NFIC: variants seen among roughly 807,000 people sequenced by gnomAD.
NFIC encodes the protein nuclear factor I C.
Under a neutral mutation model 54.4 loss-of-function variants are expected in NFIC, and 12 were observed. The ratio of observed to expected loss-of-function variants is 0.22; its 90% CI spans 0.14 to 0.36. The LOEUF (loss-of-function observed/expected upper bound fraction) is 0.36. Ranked by LOEUF, NFIC falls within the 10% of genes least tolerant of loss-of-function variation. The pLI, the probability that NFIC is intolerant of heterozygous loss-of-function variation, is 1.00. For synonymous variants in NFIC, 322 were observed against 319.2 expected (o/e 1.01, Z -0.09); for missense variants, 575 against 718.2 (o/e 0.80, Z 2.28).
At chr19:3,407,828 A>G (rs766828671) in intron 2 of NFIC, among the ~76,000 whole-genome samples, 6 of 152,112 alleles carry the variant, frequency 3.9e-5, no homozygotes, top group Non-Finnish European at 7.3e-5. Context: ...GTTCCAGAGA[A>G]GGAGATGTCA....
At chr19:3,394,514 T>TCCCCCCCCC (rs199958298) in intron 2 of NFIC, among the ~76,000 whole-genome samples, 18 of 25,254 alleles carry the variant, frequency 7.1e-4, no homozygotes, top group Admixed American at 1.0e-3. Context: ...TATGATCTTT[T>TCCCCCCCCC]CCCCACCCAC....
At chr19:3,383,109 A>G (rs2081239714) in intron 2 of NFIC, among the ~76,000 whole-genome samples, 1 of 151,376 alleles carries the variant, frequency 6.6e-6, no homozygotes, top group African/African-American at 2.4e-5. Context: ...GGGTGAGGAG[A>G]GGAGAGGGAC....
intron 6 of NFIC, among the ~76,000 whole-genome samples, chr19:3,444,544 G>T (rs2082342382): frequency 6.6e-6 from 1 of 152,180 alleles, no homozygotes; most frequent in Admixed American, 6.5e-5. Context: ...GAGCCTGCCG[G>T]GAGCGTGCCG....
intron 3 of NFIC, among the ~76,000 whole-genome samples, 173 bp from the exon 4 acceptor site, chr19:3,433,345 C>T (rs1017496289): frequency 2.6e-5 from 4 of 152,216 alleles, no homozygotes; most frequent in Non-Finnish European, 5.9e-5. Context: ...TGGACAAGGA[C>T]CCCCCACGGG....
chr19:3,444,670 G>C (rs112002025), intron 6 of NFIC, among the ~76,000 whole-genome samples: 1 of 152,136 alleles, frequency 6.6e-6, no homozygotes, highest in Non-Finnish European at 1.5e-5. Flanking sequence ...TGTGGCGGCC[G>C]GGGGTGGAGT....
chr19:3,374,532 G>A (rs554636289), intron 1 of NFIC, among the ~76,000 whole-genome samples: 2 of 152,288 alleles, frequency 1.3e-5, no homozygotes, highest in South Asian at 2.1e-4. Flanking sequence ...CACCTTCTCC[G>A]ACAGTGGGTG....
At chr19:3,404,300 C>A (rs1437933057) in intron 2 of NFIC, among the ~76,000 whole-genome samples, 4 of 151,694 alleles carry the variant, frequency 2.6e-5, no homozygotes, top group Non-Finnish European at 5.9e-5. Flanking sequence ...GGCGTTGACA[C>A]ATTTGACATT....
At chr19:3,406,854 C>T (rs577059169) in intron 2 of NFIC, among the ~76,000 whole-genome samples, 5 of 152,132 alleles carry the variant, frequency 3.3e-5, no homozygotes, top group African/African-American at 4.8e-5. Context: ...CTGAATAAAG[C>T]GAGAGAGTGA....
chr19:3,445,111 A>G (rs949396770), intron 6 of NFIC, among the ~76,000 whole-genome samples: 2 of 152,118 alleles, frequency 1.3e-5, no homozygotes, highest in South Asian at 4.1e-4. Flanking sequence ...GCGTACACAC[A>G]CATGCACAGA....
intron 2 of NFIC, among the ~76,000 whole-genome samples, chr19:3,392,393 A>T (rs1389157148): frequency 6.6e-6 from 1 of 152,130 alleles, no homozygotes; most frequent in Non-Finnish European, 1.5e-5. Flanking sequence ...ATATCTATGA[A>T]AAAACTAACC....
intron 1 of NFIC, among the ~76,000 whole-genome samples, chr19:3,367,472 TCCCCTC>T (rs374650173): frequency 0.27 from 41,250 of 151,124 alleles, 6,945 homozygotes; most frequent in Non-Finnish European, 0.38. Context: ...ACCTGCCCCG[TCCCCTC>T]CCCCTCCCCC....
chr19:3,464,696 G>C lies in NFIC; in HGVS notation c.*1927G>C, dbSNP rs1011793935. ...GACTCTCCTCCCAAACTAGCCTCAGGAGCTTGGCGAACCCGCTCGCTCCTA... is the reference window on the plus strand; with the variant it reads ...GACTCTCCTCCCAAACTAGCCTCAGCAGCTTGGCGAACCCGCTCGCTCCTA... On this transcript the variant is annotated 3_prime_UTR_variant, in exon 11 of 11. Coordinates refer to ENST00000443272, the MANE Select transcript of NFIC (RefSeq NM_001245002.2). 2.0e-6 allele frequency: 2 copies of C among 985,204 alleles called. No homozygotes were observed. The highest frequency in any genetic ancestry group is 2.4e-6 in the Non-Finnish European group (2 of 830,086). 61.0% of individuals were successfully genotyped at this position (985,204 alleles called of 1,614,324 possible).
chr19:3,387,013 G>A (rs903992054), intron 2 of NFIC, among the ~76,000 whole-genome samples: 2 of 152,206 alleles, frequency 1.3e-5, no homozygotes, highest in African/African-American at 4.8e-5. Context: ...GCTGTGGAGC[G>A]TCCTGGCCCA....
intron 1 of NFIC, among the ~76,000 whole-genome samples, chr19:3,377,094 C>T (rs1246518196): frequency 6.0e-5 from 9 of 150,688 alleles, no homozygotes; most frequent in Non-Finnish European, 8.9e-5. Flanking sequence ...TTTGGGAGGC[C>T]GAGGCAGGCG....
chr19:3,454,863 C>T (rs886264029), intron 9 of NFIC, among the ~76,000 whole-genome samples: 3 of 152,272 alleles, frequency 2.0e-5, no homozygotes, highest in East Asian at 1.9e-4. Flanking sequence ...GTCCCCACTG[C>T]GTGCCAGAAC....
At chr19:3,439,353 A>C (rs2082256362) in intron 6 of NFIC, among the ~76,000 whole-genome samples, 1 of 117,782 alleles carries the variant, frequency 8.5e-6, no homozygotes, top group Non-Finnish European at 1.8e-5. Context: ...AAAAAAAAAA[A>C]AAAAAAAAAA....
chr19:3,457,424 C>T (rs1398080443), intron 10 of NFIC, among the ~76,000 whole-genome samples: 6 of 152,212 alleles, frequency 3.9e-5, no homozygotes, highest in South Asian at 2.1e-4. Flanking sequence ...AGCCTTAGCC[C>T]CAGGCCCAGG....
In NFIC at chr19:3,458,391, C is replaced by T. The variant is rs2121942960; in HGVS notation, c.1509+1756C>T. Among the ~76,000 whole-genome samples, 1 of 152,270 alleles carries T rather than the reference C, an allele frequency of 6.6e-6. No homozygotes were observed. Among genetic ancestry groups the T allele is most frequent in the Non-Finnish European group, 1.5e-5 (1 of 68,022 alleles). ...ATAAAAGCTGCGGTGGGAGGAGGCC[C>T]AGCCCGCTTAACCCTTCCCCAGCCT... is the stretch of plus-strand genomic sequence containing the variant. On this transcript the variant is annotated intron_variant, in intron 10 of 10. Transcript: ENST00000443272. This position sits in a 1 kb window ranked among gnomAD's most constrained non-coding sequence, Gnocchi z 4.1.
chr19:3,432,091 G>A (rs970516775), intron 3 of NFIC, among the ~76,000 whole-genome samples: 2 of 152,152 alleles, frequency 1.3e-5, no homozygotes, highest in Non-Finnish European at 2.9e-5. Flanking sequence ...CGCCTGTTGA[G>A]TCCATGAATC....
Sources: allele counts gnomAD v4.1 joint callset (sites outside exome capture counted in the v4.1 genomes callset), GRCh38; gene constraint gnomAD v4.1.1; non-coding constraint Gnocchi (gnomAD v3.1); transcripts MANE v1.5; gene names NCBI Gene and HGNC (gene_info 2026-07-23, HGNC 2026-07-21).